The following SLC25A28 variants were observed in gnomAD, a reference collection of about 807,000 sequenced individuals.
SLC25A28 encodes solute carrier family 25 member 28.
Under a neutral mutation model 31.9 loss-of-function variants are expected in SLC25A28, and 10 were observed. That is an observed-to-expected ratio of 0.31 (90% confidence interval 0.19 to 0.53). SLC25A28 has a LOEUF of 0.53. Among genes scored for constraint, SLC25A28 ranks in the 20% least tolerant of loss-of-function variants. SLC25A28 has a pLI of 0.95. For synonymous variants in SLC25A28, 208 were observed against 203.6 expected, an observed-to-expected ratio of 1.02 and a Z score of -0.19; for missense variants, 256 against 490.3, an observed-to-expected ratio of 0.52 and a Z score of 4.51.
chr10:99,619,093 T>C (rs756473991), intron 1 of SLC25A28: 5 of 985,388 alleles, frequency 5.1e-6, no homozygotes, highest in Non-Finnish European at 6.0e-6. Flanking sequence ...TAAAGAACAA[T>C]AATCTGTTTC....
At chr10:99,624,150 T>TTCC (rs1590003776), upstream of SLC25A28, among the ~76,000 whole-genome samples, 1 of 110,498 alleles carries the variant, frequency 9.0e-6, no homozygotes, top group Admixed American at 9.3e-5. Flanking sequence ...TCTCTTTTTC[T>TTCC]TTCTTTCTTC....
At chr10:99,650,492 A>G in the SLC25A28 span, among the ~76,000 whole-genome samples, 1 of 152,140 alleles carries the variant, frequency 6.6e-6, no homozygotes, top group Non-Finnish European at 1.5e-5. Flanking sequence ...GTGCAGCTGC[A>G]TCAGTCTGAA....
chr10:99,632,057 C>T, the SLC25A28 span, among the ~76,000 whole-genome samples: 2 of 149,866 alleles, frequency 1.3e-5, no homozygotes, highest in African/African-American at 4.9e-5. Flanking sequence ...CCACCGCGCC[C>T]GGCTAATTTT....
the SLC25A28 span, among the ~76,000 whole-genome samples, chr10:99,641,552 G>T: frequency 6.6e-6 from 1 of 152,138 alleles, no homozygotes; most frequent in East Asian, 1.9e-4. Flanking sequence ...CTTTTGCTGT[G>T]CAGAAGCTCT....
the SLC25A28 span, among the ~76,000 whole-genome samples, chr10:99,646,506 C>T: frequency 1.3e-5 from 2 of 152,228 alleles, no homozygotes; most frequent in African/African-American, 4.8e-5. Flanking sequence ...CCTTGTGCTT[C>T]CCAGGTGAGG....
In SLC25A28 at chr10:99,610,968, G is replaced by A. The variant is rs774352197; in HGVS notation, c.976C>T (p.Arg326Ter). 1 of 1,614,196 alleles carries A rather than the reference G, an allele frequency of 6.2e-7. No homozygotes were observed. The highest frequency in any genetic ancestry group is 8.5e-7 in the Non-Finnish European group (1 of 1,180,024). Reference sequence around the variant, plus strand: ...TAAATTACTCTGGCCTGCACCCCTCGGAAATAGGCGGTCACCCCACCTACT... The same window carrying A: ...TAAATTACTCTGGCCTGCACCCCTCAGAAATAGGCGGTCACCCCACCTACT... ...YQVGGVTAYFRGVQARVIYQI... is the reference protein window; with the variant it reads ...YQVGGVTAYF The change falls in exon 4 of 4, where the codon CGA becomes TGA. Residue 326 changes from arginine to a stop codon, truncating the protein, a stop_gained. Coordinates refer to ENST00000370495, the MANE Select transcript of SLC25A28 (RefSeq NM_031212.4). LOFTEE classifies it high-confidence loss of function.
At chr10:99,616,730 G>T (rs1422415989) in intron 1 of SLC25A28, 2 of 985,338 alleles carry the variant, frequency 2.0e-6, no homozygotes, top group East Asian at 2.3e-4. Context: ...AAGCTATATG[G>T]AAGGCTTGAG....
chr10:99,656,709 G>T, the SLC25A28 span, among the ~76,000 whole-genome samples: 1 of 152,222 alleles, frequency 6.6e-6, no homozygotes, highest in Non-Finnish European at 1.5e-5. Flanking sequence ...TCAGGGCTGG[G>T]CATCAAGCAC....
upstream of SLC25A28, chr10:99,621,773 A>C (rs1243931477): frequency 6.6e-6 from 1 of 152,256 alleles, no homozygotes; most frequent in Admixed American, 6.5e-5. Context: ...TTGGATAGGA[A>C]AGATGTTTTC....
intron 1 of SLC25A28, chr10:99,616,491 G>A (rs1351854223): frequency 1.0e-6 from 1 of 984,324 alleles, no homozygotes; most frequent in African/African-American, 1.7e-5. Flanking sequence ...TACAGATCAT[G>A]GTAGCATTGC....
At chr10:99,646,668 C>T in the SLC25A28 span, among the ~76,000 whole-genome samples, 1 of 152,202 alleles carries the variant, frequency 6.6e-6, no homozygotes, top group East Asian at 1.9e-4. Context: ...AGAGCTGTTC[C>T]TATTCGACCA....
the SLC25A28 span, among the ~76,000 whole-genome samples, chr10:99,644,113 G>T: frequency 5.9e-5 from 9 of 152,238 alleles, no homozygotes; most frequent in African/African-American, 2.2e-4. Context: ...TCAATTCCTG[G>T]ATATCCTTGT....
At chr10:99,655,159 T>C in the SLC25A28 span, among the ~76,000 whole-genome samples, 2 of 152,206 alleles carry the variant, frequency 1.3e-5, no homozygotes, top group South Asian at 2.1e-4. Context: ...GGGATTAAAA[T>C]GTAGATCTTA....
chr10:99,621,110 C>T, upstream of SLC25A28: 1 of 482,906 alleles, frequency 2.1e-6, no homozygotes, highest in Non-Finnish European at 2.7e-6. Context: ...TCCGGGAAGC[C>T]GTTGCGACAT....
At chr10:99,655,172 G>A in the SLC25A28 span, among the ~76,000 whole-genome samples, 408 of 152,208 alleles carry the variant, frequency 2.7e-3, 2 homozygotes, top group African/African-American at 9.5e-3. Context: ...AGATCTTATC[G>A]GAGTATGGCG....
At chr10:99,619,482 C>A (rs1035715856) in intron 1 of SLC25A28, 1 of 919,060 alleles carries the variant, frequency 1.1e-6, no homozygotes, top group African/African-American at 1.8e-5. Context: ...CACATTACTT[C>A]CAGTCTGGAA....
At position 99,620,264 on chromosome 10, in the gene SLC25A28, C is replaced by T. The variant is rs1195512052; in HGVS notation, c.72G>A (p.Gly24=). Residue 24 remains glycine (G), a synonymous_variant, in exon 1 of 4, where the codon GGG becomes GGA. Coordinates refer to ENST00000370495, the MANE Select transcript of SLC25A28 (RefSeq NM_031212.4). ...GCCACCCGTCCAGCAGCGCCGACTCCCCGGGGCTCCGCCCGGGCCCTGCCG... is the reference window on the plus strand; with the variant it reads ...GCCACCCGTCCAGCAGCGCCGACTCTCCGGGGCTCCGCCCGGGCCCTGCCG... The part of the protein sequence containing the change: ...GPAAGPGRSP[G]ESALLDGWLQ... 4.3e-5 allele frequency: 54 copies of T among 1,242,208 alleles called. No individual in the cohort carries two copies. Among genetic ancestry groups the T allele is most frequent in the Non-Finnish European group, 5.3e-5 (53 of 994,068 alleles). The allele number at this position is 1,242,208 out of a possible 1,614,324, so 76.9% of individuals were successfully genotyped here. A position where few individuals can be genotyped will look rare whatever the true frequency, so the allele number is the denominator to read the frequency against.
chr10:99,649,267 A>G, the SLC25A28 span, among the ~76,000 whole-genome samples: 35 of 152,304 alleles, frequency 2.3e-4, no homozygotes, highest in African/African-American at 8.2e-4. Context: ...TGATTTGCAT[A>G]CATTGAAACA....
the SLC25A28 span, among the ~76,000 whole-genome samples, chr10:99,645,385 C>T: frequency 7.9e-5 from 12 of 152,140 alleles, no homozygotes; most frequent in East Asian, 5.8e-4. Flanking sequence ...GTTTTCATGC[C>T]GTGGTTTTCA....
Sources: gnomAD v4.1 joint callset for allele counts (sites outside exome capture counted in the v4.1 genomes callset) on GRCh38, gnomAD v4.1.1 for gene constraint, MANE v1.5 for transcripts, NCBI Gene and HGNC (gene_info 2026-07-23, HGNC 2026-07-21) for gene names.